The following TYW1B variants were observed in gnomAD, a reference collection of about 807,000 sequenced individuals.
The protein encoded by TYW1B is S-adenosyl-L-methionine-dependent tRNA 4-demethylwyosine synthase TYW1B.
Under a neutral mutation model 86.9 loss-of-function variants are expected in TYW1B, and 73 were observed. The observed-to-expected ratio is 0.84, with a 90% CI of 0.70 to 1.02. TYW1B has a LOEUF of 1.02. TYW1B is among the 50% of genes least tolerant of loss of function. The pLI, the probability that TYW1B is intolerant of heterozygous loss-of-function variation, is 0.00. For missense variants in TYW1B, 637 were observed against 827.4 expected, an observed-to-expected ratio of 0.77 and a Z score of 2.82; for synonymous variants, 248 against 292.8, an observed-to-expected ratio of 0.85 and a Z score of 1.56.
At chr7:72,770,427 C>CAAAAAAAAAAAAAAAAAAAA in intron 7 of TYW1B, among the ~76,000 whole-genome samples, 2 of 94,446 alleles carry the variant, frequency 2.1e-5, no homozygotes, top group Non-Finnish European at 3.9e-5. Context: ...GACTCCGTCT[C>CAAAAAAAAAAAAAAAAAAAA]AAAAAAAAAA....
intron 6 of TYW1B, among the ~76,000 whole-genome samples, chr7:72,790,188 C>T (rs1412496645): frequency 6.6e-6 from 1 of 151,710 alleles, no homozygotes; most frequent in African/African-American, 2.4e-5. Flanking sequence ...TCAGGTGATC[C>T]ACCTGCCTCG....
At chr7:72,626,971 C>T (rs1280584129) in intron 12 of TYW1B, among the ~76,000 whole-genome samples, 1 of 151,744 alleles carries the variant, frequency 6.6e-6, no homozygotes, top group African/African-American at 2.4e-5. Context: ...AAATCCAATC[C>T]CCTTATCTTT....
intron 9 of TYW1B, 53 bp downstream of exon 9, chr7:72,728,769 G>A: frequency 6.5e-7 from 1 of 1,541,344 alleles, no homozygotes; most frequent in African/African-American, 1.4e-5. Flanking sequence ...CTGCCAATCT[G>A]ATTCAGACTA....
chr7:72,819,713 G>A (rs530821199), intron 2 of TYW1B, among the ~76,000 whole-genome samples: 2 of 152,300 alleles, frequency 1.3e-5, no homozygotes, highest in South Asian at 2.1e-4. Context: ...GATTATAGGC[G>A]TGAGCCACTG....
At chr7:72,638,794 C>T (rs562444628) in intron 11 of TYW1B, among the ~76,000 whole-genome samples, 2 of 152,268 alleles carry the variant, frequency 1.3e-5, no homozygotes, top group East Asian at 3.9e-4. Context: ...ATGTTGTGTG[C>T]CACTTGATTG....
Position 72,616,791 on chromosome 7 carries a change from G to A in TYW1B, c.1666C>T (p.His556Tyr). 6.2e-7 allele frequency: 1 copy of A among 1,614,196 alleles called. No individual in the cohort carries two copies. Among genetic ancestry groups the A allele is most frequent in the Non-Finnish European group, 8.5e-7 (1 of 1,180,038 alleles). ...ACCACTTCCTCATGCCAGGGCACATGGGCCATGGTAAGACTGCTTGCTGAA... is the reference window on the plus strand; with the variant it reads ...ACCACTTCCTCATGCCAGGGCACATAGGCCATGGTAAGACTGCTTGCTGAA... ...ESSASSLTMA[H>Y]VPWHEEVVQF... Residue 556 changes from histidine to tyrosine, a missense_variant, in exon 13 of 14, where the codon CAT becomes TAT. Physicochemically the swap from His to Tyr is moderately conservative, Grantham distance 83. Transcript: ENST00000620995.
intron 11 of TYW1B, among the ~76,000 whole-genome samples, chr7:72,649,740 T>C (rs192646963): frequency 2.4e-4 from 37 of 152,296 alleles, no homozygotes; most frequent in African/African-American, 8.7e-4. Flanking sequence ...TATACATCTC[T>C]AAAATCAATA....
In TYW1B at chr7:72,575,078, T is replaced by G. The variant is rs1810989026; in HGVS notation, c.*420A>C. 1 of 1,031,310 alleles carries G rather than the reference T, an allele frequency of 9.7e-7. No homozygotes were observed. The allele number at this position is 1,031,310 out of a possible 1,614,324, so 63.9% of individuals were successfully genotyped here. On this transcript the variant is annotated 3_prime_UTR_variant, in exon 14 of 14. Transcript: ENST00000620995. ...CACAGACACGTTTAGCTCAGGGTAG[T>G]GCAATTCAATGCTAAGTGGCTGCTC... is the stretch of plus-strand genomic sequence containing the variant.
chr7:72,652,379 A>G (rs1554442945), intron 11 of TYW1B, among the ~76,000 whole-genome samples: 2 of 130,496 alleles, frequency 1.5e-5, no homozygotes, highest in Admixed American at 7.2e-5. Context: ...CTCTGTCTGA[A>G]AAAAAAAAAA....
intron 6 of TYW1B, among the ~76,000 whole-genome samples, chr7:72,781,633 A>G (rs1483784777): frequency 6.6e-6 from 1 of 152,186 alleles, no homozygotes; most frequent in Non-Finnish European, 1.5e-5. Context: ...ATTTCCCAAC[A>G]TAACTGTTCT....
intron 9 of TYW1B, among the ~76,000 whole-genome samples, chr7:72,717,837 A>G (rs1786820663): frequency 6.6e-6 from 1 of 152,228 alleles, no homozygotes; most frequent in Non-Finnish European, 1.5e-5. Context: ...CTATTATTAG[A>G]GCAAAACAAC....
chr7:72,733,782 A>G lies in TYW1B; in HGVS notation c.1083-4851T>C, dbSNP rs1425422627. Among the ~76,000 whole-genome samples the G allele has an allele frequency of 5.9e-5, 9 of 152,306 alleles. No individual in the cohort carries two copies. The South Asian group carries it at 1.2e-3, about 21-fold the overall frequency. ...TGGGTTGGAAGAATAAATATAGTTAAAGTTATCATACCACCCAAAGCAATT... is the reference window on the plus strand; with the variant it reads ...TGGGTTGGAAGAATAAATATAGTTAGAGTTATCATACCACCCAAAGCAATT... On this transcript the variant is annotated intron_variant, in intron 8 of 13. Transcript: ENST00000620995.
intron 11 of TYW1B, among the ~76,000 whole-genome samples, chr7:72,687,914 G>T (rs1456709891): frequency 6.6e-6 from 1 of 152,128 alleles, no homozygotes; most frequent in South Asian, 2.1e-4. Flanking sequence ...TTAGCCAGGT[G>T]TGGTGGAGCA....
At chr7:72,663,761 CAAAAAAAAA>C (rs1177247717) in intron 11 of TYW1B, among the ~76,000 whole-genome samples, 6 of 57,846 alleles carry the variant, frequency 1.0e-4, no homozygotes, top group Admixed American at 2.7e-4. Context: ...GACTCCATCT[CAAAAAAAAA>C]AAAAAAAAAA....
chr7:72,752,539 T>C (rs1391298147), intron 7 of TYW1B, among the ~76,000 whole-genome samples: 3 of 152,112 alleles, frequency 2.0e-5, no homozygotes, highest in African/African-American at 7.2e-5. Flanking sequence ...GAGACCACTC[T>C]GGCCAACATG....
intron 10 of TYW1B, among the ~76,000 whole-genome samples, chr7:72,699,566 G>A (rs532479831): frequency 3.3e-5 from 5 of 152,184 alleles, no homozygotes; most frequent in South Asian, 2.1e-4. Context: ...TCTAATAACC[G>A]AAAGGTTGCT....
intron 12 of TYW1B, among the ~76,000 whole-genome samples, chr7:72,627,723 T>C (rs2129568676): frequency 6.6e-6 from 1 of 152,206 alleles, no homozygotes; most frequent in Non-Finnish European, 1.5e-5. Flanking sequence ...CAGTGAAATA[T>C]TCCTGAAATA....
intron 2 of TYW1B, among the ~76,000 whole-genome samples, chr7:72,821,952 A>G (rs1788834546): frequency 6.6e-6 from 1 of 152,046 alleles, no homozygotes; most frequent in Admixed American, 6.6e-5. Context: ...TAAGATTAGA[A>G]ACAGAAATTT....
At chr7:72,816,760 C>A (rs1346100171) in intron 2 of TYW1B, among the ~76,000 whole-genome samples, 1 of 152,132 alleles carries the variant, frequency 6.6e-6, no homozygotes, top group Non-Finnish European at 1.5e-5. Context: ...ATGGAGCCTC[C>A]AAGAAAAACC....
Sources: allele counts gnomAD v4.1 joint callset (sites outside exome capture counted in the v4.1 genomes callset), GRCh38; gene constraint gnomAD v4.1.1; transcripts MANE v1.5; gene names NCBI Gene and HGNC (gene_info 2026-07-23, HGNC 2026-07-21).